KIF21A: variants seen among roughly 807,000 people sequenced by gnomAD.
KIF21A encodes kinesin-like protein KIF21A.
Under a neutral mutation model 202.9 loss-of-function variants are expected in KIF21A, and 114 were observed. The ratio of observed to expected loss-of-function variants is 0.56; its 90% CI spans 0.48 to 0.66. KIF21A has a LOEUF of 0.66. KIF21A is among the 30% of genes least tolerant of loss of function. KIF21A has a pLI of 0.00. For missense variants in KIF21A, 1,677 were observed against 1,994.9 expected (o/e 0.84, Z 3.04); for synonymous variants, 667 against 670.8 (o/e 0.99, Z 0.09).
At chr12:39,352,186 C>G (rs746707496) in intron 10 of KIF21A, among the ~76,000 whole-genome samples, 1 of 152,008 alleles carries the variant, frequency 6.6e-6, no homozygotes, top group Non-Finnish European at 1.5e-5. Flanking sequence ...GAAATATTAA[C>G]TTCCCCTCAG....
intron 1 of KIF21A, among the ~76,000 whole-genome samples, chr12:39,390,138 C>T (rs1951240836): frequency 6.6e-6 from 1 of 152,158 alleles, no homozygotes; most frequent in Admixed American, 6.5e-5. Flanking sequence ...TCCCATCTGG[C>T]AGGTTCTTAG....
At position 39,322,795 on chromosome 12, in the gene KIF21A, A is replaced by G. The variant is rs1945422512; in HGVS notation, c.3544T>C (p.Leu1182=). The G allele has an allele frequency of 1.9e-6, 3 of 1,613,988 alleles. No homozygotes were observed. The African/African-American group carries it at 4.0e-5, about 22-fold the overall frequency. Residue 1182 remains leucine (L), a synonymous_variant, in exon 27 of 38, where the codon TTG becomes CTG. Transcript: ENST00000361418. ...ASDTSTGDAS[L]PGPLTPVAEG... ...GCAACAGGTGTGAGAGGGCCAGGCA[A>G]GGAGGCATCTCCTGTACTAGTGTCT...
chr12:39,382,520 G>T (rs1449928629), intron 1 of KIF21A, among the ~76,000 whole-genome samples: 1 of 152,016 alleles, frequency 6.6e-6, no homozygotes, highest in East Asian at 1.9e-4. Context: ...AATTTCTCCG[G>T]TCAACATGAA....
Position 39,443,068 on chromosome 12 carries a change from T to C in KIF21A, c.-98A>G. 5 of 1,276,458 alleles carry C rather than the reference T, an allele frequency of 3.9e-6. No individual in the cohort carries two copies. The highest frequency in any genetic ancestry group is 3.7e-5 in the Admixed American group (1 of 27,284). 79.1% of individuals were successfully genotyped at this position (1,276,458 alleles called of 1,614,324 possible). ...CTCGGGCGCAGTAGGCTGGGGCGTC[T>C]GCGGGCGGGCGGCCGGCTCACCTCC... On this transcript the variant is annotated 5_prime_UTR_variant, in exon 1 of 38. Transcript: ENST00000361418.
At chr12:39,407,745 C>G (rs953518590) in intron 1 of KIF21A, among the ~76,000 whole-genome samples, 3 of 152,228 alleles carry the variant, frequency 2.0e-5, no homozygotes, top group Admixed American at 2.0e-4. Context: ...TCAATTTCTT[C>G]ACAAGCAACA....
At chr12:39,354,103 G>C (rs1361119555) in intron 10 of KIF21A, among the ~76,000 whole-genome samples, 1 of 152,026 alleles carries the variant, frequency 6.6e-6, no homozygotes, top group Non-Finnish European at 1.5e-5. Context: ...GGATTGTTTT[G>C]AGAATCAATG....
At chr12:39,416,496 C>T (rs1200035171) in intron 1 of KIF21A, among the ~76,000 whole-genome samples, 1 of 151,026 alleles carries the variant, frequency 6.6e-6, no homozygotes, top group Non-Finnish European at 1.5e-5. Flanking sequence ...CTCAGGAGGC[C>T]GAGGCAGGAG....
chr12:39,358,938 C>A (rs77108335), intron 7 of KIF21A, among the ~76,000 whole-genome samples: 156 of 152,240 alleles, frequency 1.0e-3, no homozygotes, highest in African/African-American at 3.7e-3. Flanking sequence ...ACTTTACGGT[C>A]ATGATAAATT....
At chr12:39,363,521 A>G (rs1327723704) in intron 6 of KIF21A, among the ~76,000 whole-genome samples, 1 of 152,160 alleles carries the variant, frequency 6.6e-6, no homozygotes, top group Non-Finnish European at 1.5e-5. Context: ...TGTCCCCAGA[A>G]AATTGTCCAT....
chr12:39,401,362 CTG>C (rs1952162563), intron 1 of KIF21A, among the ~76,000 whole-genome samples: 1 of 152,030 alleles, frequency 6.6e-6, no homozygotes, highest in Non-Finnish European at 1.5e-5. Flanking sequence ...AAAATAATGA[CTG>C]GGAAAATGGA....
rs1467659559 is a variant in KIF21A, at chr12:39,367,255, T to C, written c.601-91A>G. Reference sequence around the variant, plus strand: ...CTGAGGTAATGGCTAAAACCCACCATGTTAAGGGATATAAAAGATGTGGAA... The same window carrying C: ...CTGAGGTAATGGCTAAAACCCACCACGTTAAGGGATATAAAAGATGTGGAA... On this transcript the variant is annotated intron_variant, in intron 4 of 37. Transcript: ENST00000361418. The C allele has an allele frequency of 3.0e-6, 4 of 1,312,586 alleles. No individual in the cohort carries two copies. In the East Asian group the frequency reaches 7.1e-5, roughly 23 times the overall value. The allele number at this position is 1,312,586 out of a possible 1,614,324, so 81.3% of individuals were successfully genotyped here.
intron 1 of KIF21A, among the ~76,000 whole-genome samples, chr12:39,407,742 C>A (rs1952713300): frequency 6.6e-6 from 1 of 152,088 alleles, no homozygotes; most frequent in South Asian, 2.1e-4. Context: ...TACTCAATTT[C>A]TTCACAAGCA....
intron 37 of KIF21A, among the ~76,000 whole-genome samples, chr12:39,298,316 A>C (rs1291909444): frequency 6.6e-6 from 1 of 152,244 alleles, no homozygotes; most frequent in Non-Finnish European, 1.5e-5. Context: ...GAACTCTACA[A>C]ATCTACATAG....
At position 39,399,125 on chromosome 12, in the gene KIF21A, T is replaced by C. The variant is rs112666925; in HGVS notation, c.45-28864A>G. 2.6e-3 allele frequency among the ~76,000 whole-genome samples: 401 copies of C among 152,164 alleles called. 3 individuals carry two copies. The highest frequency in any genetic ancestry group is 8.8e-3 in the African/African-American group (367 of 41,516). On this transcript the variant is annotated intron_variant, in intron 1 of 37. Transcript: ENST00000361418. ...TCCCAGCTACTCTGGAGGCTGAGGC[T>C]GCAGCATCACTTGAATCAAGGATGT...
chr12:39,381,803 C>T (rs1592450097), intron 1 of KIF21A, among the ~76,000 whole-genome samples: 1 of 152,092 alleles, frequency 6.6e-6, no homozygotes, highest in South Asian at 2.1e-4. Flanking sequence ...AGTTACTAAC[C>T]GGTTAGAGTT....
At chr12:39,430,392 C>A (rs1244689620) in intron 1 of KIF21A, among the ~76,000 whole-genome samples, 2 of 151,698 alleles carry the variant, frequency 1.3e-5, no homozygotes, top group African/African-American at 4.8e-5. Flanking sequence ...ATAGTGAAAC[C>A]CTGTCTCTAC....
In KIF21A at chr12:39,427,633, A is replaced by C. The variant is rs547845139; in HGVS notation, c.44+15294T>G. ...ATAGTCCAAAAGAAAAGAAAACCAC[A>C]AACCACAAAGATGACTGCTATTGCA... On this transcript the variant is annotated intron_variant, in intron 1 of 37. Transcript: ENST00000361418. Among the ~76,000 whole-genome samples, 14 of 152,348 alleles carry C rather than the reference A, an allele frequency of 9.2e-5. No individual in the cohort carries two copies. The South Asian group carries it at 2.9e-3, about 32-fold the overall frequency.
At chr12:39,334,046 A>T (rs376164286) in intron 17 of KIF21A, among the ~76,000 whole-genome samples, 34 of 152,044 alleles carry the variant, frequency 2.2e-4, no homozygotes, top group African/African-American at 8.0e-4. Flanking sequence ...TACTAAAAAT[A>T]CAAAATTAGC....
chr12:39,306,351 T>C (rs528280271), intron 34 of KIF21A, among the ~76,000 whole-genome samples: 1 of 152,340 alleles, frequency 6.6e-6, no homozygotes, highest in South Asian at 2.1e-4. Flanking sequence ...GTGCTCTTAC[T>C]ATGAGTCAGA....
Sources: gnomAD v4.1 joint callset for allele counts (sites outside exome capture counted in the v4.1 genomes callset) on GRCh38, gnomAD v4.1.1 for gene constraint, MANE v1.5 for transcripts, NCBI Gene and HGNC (gene_info 2026-07-23, HGNC 2026-07-21) for gene names.